Variants in DYNC2H1 observed in about 807,000 individuals in gnomAD.
DYNC2H1 encodes the protein cytoplasmic dynein 2 heavy chain 1.
DYNC2H1 carries 410 observed loss-of-function variants against 570.0 expected under a neutral mutation model. The ratio of observed to expected loss-of-function variants is 0.72; its 90% CI spans 0.66 to 0.78. DYNC2H1 has a LOEUF of 0.78. Among genes scored for constraint, DYNC2H1 ranks in the 30% least tolerant of loss-of-function variants. The probability of loss-of-function intolerance (pLI) is 0.00; values close to 1 mark genes in which losing one functional copy is unlikely to be tolerated. For missense variants in DYNC2H1, 4,865 were observed against 5,046.4 expected, an observed-to-expected ratio of 0.96 and a Z score of 1.09; for synonymous variants, 1,688 against 1,677.6, an observed-to-expected ratio of 1.01 and a Z score of -0.15.
At chr11:103,410,734 T>C (rs999084044) in intron 84 of DYNC2H1, among the ~76,000 whole-genome samples, 2 of 152,146 alleles carry the variant, frequency 1.3e-5, no homozygotes, top group Non-Finnish European at 2.9e-5. Context: ...AAATGGAGTT[T>C]AGCTTTATTG....
At position 103,326,040 on chromosome 11, in the gene DYNC2H1, T is replaced by C. The variant is rs1938454233; in HGVS notation, c.12039+2050T>C. On this transcript the variant is annotated intron_variant, in intron 82 of 88. Coordinates refer to ENST00000375735, the MANE Select transcript of DYNC2H1 (RefSeq NM_001377.3). The surrounding 1 kb of genome is among the most constrained non-coding windows in gnomAD (Gnocchi z 6.1). ...GCGCTTTCAGAGGGCCAAGGCTCTG[T>C]ACAGTGTCTTTATTTGTGGGTGAAT... 6.6e-6 allele frequency among the ~76,000 whole-genome samples: 1 copy of C among 152,180 alleles called. No homozygotes were observed. The highest frequency in any genetic ancestry group is 6.5e-5 in the Admixed American group (1 of 15,284).
At chr11:103,333,357 G>A (rs2514413) in intron 82 of DYNC2H1, among the ~76,000 whole-genome samples, 62,359 of 151,896 alleles carry the variant, frequency 0.41, 13,065 homozygotes, top group East Asian at 0.47. Flanking sequence ...TCCGCCTCCC[G>A]GGTTCATGCC....
rs1858002396 is a variant in DYNC2H1 at position 103,109,453 on chromosome 11, G to A, written c.-122G>A. On this transcript the variant is annotated 5_prime_UTR_variant, in exon 1 of 89. Coordinates refer to ENST00000375735, the MANE Select transcript of DYNC2H1 (RefSeq NM_001377.3). ...AGCGACTACCCCTGGCAACCGCGAA[G>A]CTCTGCGGTCCCGCGGTCGGGCTAC... is the stretch of plus-strand genomic sequence containing the variant. The A allele has an allele frequency of 1.0e-6, 1 of 979,148 alleles. No individual in the cohort carries two copies. The highest frequency in any genetic ancestry group is 2.7e-5 in the East Asian group (1 of 36,796). The allele number at this position is 979,148 out of a possible 1,614,324, so 60.7% of individuals were successfully genotyped here.
intron 24 of DYNC2H1, among the ~76,000 whole-genome samples, chr11:103,155,042 T>C (rs1450349248): frequency 1.3e-5 from 2 of 151,992 alleles, no homozygotes; most frequent in African/African-American, 4.8e-5. Context: ...GCTTATACAT[T>C]CCAGTCCATC....
At chr11:103,342,589 G>A (rs191738744) in intron 82 of DYNC2H1, among the ~76,000 whole-genome samples, 10,192 of 150,274 alleles carry the variant, frequency 0.068, 350 homozygotes, top group Non-Finnish European at 0.076. Context: ...TGCAAGCTCC[G>A]CCTCCCAGGT....
intron 21 of DYNC2H1, 62 bp downstream of exon 21, chr11:103,152,347 T>C: frequency 6.9e-7 from 1 of 1,453,640 alleles, no homozygotes; most frequent in Non-Finnish European, 9.3e-7. Context: ...ATTTCTTGCT[T>C]ATCTTTTATT....
rs920215521 is a variant in DYNC2H1, at chr11:103,264,419, C to G, written c.10695+4442C>G. Among the ~76,000 whole-genome samples the G allele has an allele frequency of 2.0e-5, 3 of 152,276 alleles. No homozygotes were observed. The highest frequency in any genetic ancestry group is 7.2e-5 in the African/African-American group (3 of 41,542). ...CACAACAAAAAAAGAAAATTTCAGG[C>G]CAATATCGCTGATGAACATTGATTA... On this transcript the variant is annotated intron_variant, in intron 70 of 88. Coordinates refer to ENST00000375735, the MANE Select transcript of DYNC2H1 (RefSeq NM_001377.3). This position sits in a 1 kb window ranked among gnomAD's most constrained non-coding sequence, Gnocchi z 4.8.
At chr11:103,127,183 G>A (rs1157910777) in intron 12 of DYNC2H1, among the ~76,000 whole-genome samples, 4 of 152,136 alleles carry the variant, frequency 2.6e-5, no homozygotes, top group Admixed American at 2.0e-4. Flanking sequence ...CAGTCAGAGC[G>A]ACTACTTAAA....
intron 66 of DYNC2H1, among the ~76,000 whole-genome samples, chr11:103,253,783 G>T (rs1029156499): frequency 2.6e-5 from 4 of 152,100 alleles, no homozygotes; most frequent in African/African-American, 9.7e-5. Context: ...AAATTTAATT[G>T]TGAAAAGTGT....
intron 75 of DYNC2H1, among the ~76,000 whole-genome samples, chr11:103,288,880 C>CAA (rs546404582): frequency 6.2e-5 from 5 of 80,098 alleles, no homozygotes; most frequent in African/African-American, 1.4e-4. Context: ...GACTCAATCT[C>CAA]AAAAAAAAAA....
rs1161227642 is a variant in DYNC2H1 at position 103,280,206 on chromosome 11, T to C, written c.10696-142T>C. 2 of 767,200 alleles carry C rather than the reference T, an allele frequency of 2.6e-6. No homozygotes were observed. Among genetic ancestry groups the C allele is most frequent in the Non-Finnish European group, 4.2e-6 (2 of 476,406 alleles). The allele number at this position is 767,200 out of a possible 1,614,324, so 47.5% of individuals were successfully genotyped here. Reference sequence around the variant, plus strand: ...TGTCTCTAAGATGTAGAAAGCAATCTGAATAGTAATTTCTTACATCGATAA... The same window carrying C: ...TGTCTCTAAGATGTAGAAAGCAATCCGAATAGTAATTTCTTACATCGATAA... On this transcript the variant is annotated intron_variant, in intron 70 of 88. Transcript: ENST00000375735. The surrounding 1 kb of genome is among the most constrained non-coding windows in gnomAD (Gnocchi z 4.7).
At chr11:103,253,177 T>G (rs1864905353) in intron 65 of DYNC2H1, 108 bp from the exon 66 acceptor site, 5 of 1,179,144 alleles carry the variant, frequency 4.2e-6, no homozygotes, top group Non-Finnish European at 4.6e-6. Context: ...CGTCTTAGAC[T>G]CTGTCGAAAA....
chr11:103,199,972 A>C lies in DYNC2H1; in HGVS notation c.8089-74A>C. On this transcript the variant is annotated intron_variant, in intron 49 of 88. Transcript: ENST00000375735. This position sits in a 1 kb window ranked among gnomAD's most constrained non-coding sequence, Gnocchi z 4.6. ...CATGATACTGGCATACTTTACATAC[A>C]AATACAAAATGTTAATTTTTAACTG... is the stretch of plus-strand genomic sequence containing the variant. 1.0e-6 allele frequency: 1 copy of C among 964,770 alleles called. No individual in the cohort carries two copies. Among genetic ancestry groups the C allele is most frequent in the Non-Finnish European group, 1.6e-6 (1 of 623,396 alleles). The allele number at this position is 964,770 out of a possible 1,614,324, so 59.8% of individuals were successfully genotyped here.
chr11:103,138,308 T>G (rs952824693), intron 17 of DYNC2H1, among the ~76,000 whole-genome samples: 3 of 151,916 alleles, frequency 2.0e-5, no homozygotes, highest in African/African-American at 7.2e-5. Context: ...CTTGTGCCAG[T>G]TTTCAAAGGG....
At chr11:103,406,891 G>A (rs1361890896) in intron 84 of DYNC2H1, 1 of 151,808 alleles carries the variant, frequency 6.6e-6, no homozygotes, top group African/African-American at 2.4e-5. Flanking sequence ...GCTTCCTTGG[G>A]TCACTTTTGG....
intron 84 of DYNC2H1, among the ~76,000 whole-genome samples, chr11:103,419,745 C>T (rs1047649362): frequency 6.6e-6 from 1 of 152,136 alleles, no homozygotes; most frequent in Non-Finnish European, 1.5e-5. Flanking sequence ...ATGACTGCAA[C>T]ACCTCTACTG....
rs1863075866 is a variant in DYNC2H1 at position 103,209,806 on chromosome 11, G to T, written c.8455-70G>T. 1 of 1,216,074 alleles carries T rather than the reference G, an allele frequency of 8.2e-7. No individual in the cohort carries two copies. Among genetic ancestry groups the T allele is most frequent in the African/African-American group, 1.6e-5 (1 of 62,292 alleles). The allele number at this position is 1,216,074 out of a possible 1,614,324, so 75.3% of individuals were successfully genotyped here. On this transcript the variant is annotated intron_variant, in intron 52 of 88. Coordinates refer to ENST00000375735, the MANE Select transcript of DYNC2H1 (RefSeq NM_001377.3). The surrounding 1 kb of genome is among the most constrained non-coding windows in gnomAD (Gnocchi z 4.2). ...AGTACAATCAATACTGACTTTTTTTGTATTAAAGGTTTTTAACTTATGATA... is the reference window on the plus strand; with the variant it reads ...AGTACAATCAATACTGACTTTTTTTTTATTAAAGGTTTTTAACTTATGATA...
At chr11:103,320,987 A>C (rs1395000845) in intron 80 of DYNC2H1, 42 bp from the exon 81 acceptor site, 8 of 1,458,816 alleles carry the variant, frequency 5.5e-6, no homozygotes, top group African/African-American at 2.8e-5. Flanking sequence ...TTTAGTTAAT[A>C]TTTTAGAAAT....
At chr11:103,352,634 G>A (rs564441816) in intron 82 of DYNC2H1, among the ~76,000 whole-genome samples, 204 of 152,198 alleles carry the variant, frequency 1.3e-3, no homozygotes, top group African/African-American at 4.8e-3. Context: ...GGCCTAATAC[G>A]TGGCTGATGT....
Sources: allele counts gnomAD v4.1 joint callset (sites outside exome capture counted in the v4.1 genomes callset), GRCh38; gene constraint gnomAD v4.1.1; non-coding constraint Gnocchi (gnomAD v3.1); transcripts MANE v1.5; gene names NCBI Gene and HGNC (gene_info 2026-07-23, HGNC 2026-07-21).